The following UBE4A variants were observed in gnomAD, a reference collection of about 807,000 sequenced individuals.
UBE4A encodes the protein ubiquitination factor E4A.
A neutral mutation model predicts 117.9 loss-of-function variants in UBE4A; 48 were observed. The ratio of observed to expected loss-of-function variants is 0.41; its 90% confidence interval spans 0.32 to 0.52. UBE4A has a LOEUF of 0.52. Ranked by LOEUF, UBE4A falls within the 20% of genes least tolerant of loss-of-function variation. The pLI is 0.33. For missense variants in UBE4A, 1,067 were observed against 1,296.3 expected (o/e 0.82, Z 2.72); for synonymous variants, 407 against 450.0 (o/e 0.90, Z 1.21).
chr11:118,390,664 G>A lies in UBE4A; in HGVS notation c.2776G>A (p.Glu926Lys). Residue 926 changes from glutamate to lysine, a missense_variant, in exon 18 of 20, where the codon GAG (glutamate) becomes AAG (lysine). Transcript: ENST00000252108. ...CTGATGCTAATGTTCCAGGGATGAG[G>A]AGAATTTCTGTGCCACTGTGCCCAA... ...CTIYLNLGDE[E>K]NFCATVPKDG... 1 of 1,516,760 alleles carries A rather than the reference G, an allele frequency of 6.6e-7. No individual in the cohort carries two copies. 94.0% of individuals were successfully genotyped at this position (1,516,760 alleles called of 1,614,324 possible).
rs147046456 is a variant in UBE4A at position 118,368,641 on chromosome 11, A to G, written c.132A>G (p.Pro44=). The G allele has an allele frequency of 3.6e-4, 580 of 1,614,164 alleles. No homozygotes were observed. The African/African-American group carries it at 4.1e-3, about 11-fold the overall frequency. ...EQLKQQSDEL[P]ASPDDSDNSV... is the part of the protein sequence containing the mutation. ...TACATTTTCTGGCAGATGAACTCCC[A>G]GCTAGCCCAGATGACTCGGATAATA... is the stretch of plus-strand genomic sequence containing the variant. Residue 44 remains proline, a synonymous_variant, in exon 3 of 20, where the codon CCA becomes CCG. Coordinates refer to ENST00000252108, the MANE Select transcript of UBE4A (RefSeq NM_001204077.2).
chr11:118,381,638 G>T, intron 12 of UBE4A, 115 bp downstream of exon 12: 1 of 1,388,862 alleles, frequency 7.2e-7, no homozygotes, highest in Non-Finnish European at 9.7e-7. Flanking sequence ...AGAAGTTATG[G>T]TAACATTAAG....
intron 10 of UBE4A, among the ~76,000 whole-genome samples, chr11:118,377,868 G>T (rs1948667060): frequency 6.7e-6 from 1 of 150,130 alleles, no homozygotes; most frequent in South Asian, 2.1e-4. Context: ...AGCCGAGATT[G>T]CGCCACTGCA....
chr11:118,382,510 G>T (rs1459719463), intron 12 of UBE4A, 79 bp from the exon 13 acceptor site: 26 of 1,232,828 alleles, frequency 2.1e-5, no homozygotes, highest in Non-Finnish European at 2.6e-5. Flanking sequence ...GGTGGATTTT[G>T]ATTCTTATGT....
chr11:118,386,671 TG>T, intron 16 of UBE4A, 59 bp downstream of exon 16: 1 of 1,466,868 alleles, frequency 6.8e-7, no homozygotes, highest in Admixed American at 2.7e-5. Context: ...CAGCTTCACT[TG>T]GGGGATCAGC....
Position 118,398,780 on chromosome 11 carries a change from T to G in UBE4A, c.*2340T>G, listed in dbSNP as rs538531286. On this transcript the variant is annotated 3_prime_UTR_variant, in exon 20 of 20. Coordinates refer to ENST00000252108, the MANE Select transcript of UBE4A (RefSeq NM_001204077.2). ...TGGAAAATTGTTTAAGTATGTTTTA[T>G]CAAGCAGTCTGGGTTTTGTTTTTTA... 1.7e-5 allele frequency: 3 copies of G among 173,914 alleles called. No individual in the cohort carries two copies. Among genetic ancestry groups the G allele is most frequent in the African/African-American group, 7.1e-5 (3 of 42,010 alleles). The allele number at this position is 173,914 out of a possible 1,614,324, so 10.8% of individuals were successfully genotyped here.
At chr11:118,391,590 A>C (rs59405103) in intron 18 of UBE4A, among the ~76,000 whole-genome samples, 25,878 of 151,598 alleles carry the variant, frequency 0.17, 2,720 homozygotes, top group East Asian at 0.51. Flanking sequence ...GTCAGGAGAT[A>C]GCGACCATCC....
At chr11:118,369,318 T>C in intron 3 of UBE4A, 105 bp from the exon 4 acceptor site, 1 of 746,360 alleles carries the variant, frequency 1.3e-6, no homozygotes, top group Non-Finnish European at 2.3e-6. Context: ...CATTCTGGTA[T>C]TACTTGAGTC....
intron 10 of UBE4A, chr11:118,379,058 T>C (rs1380584638): frequency 4.8e-6 from 1 of 207,600 alleles, no homozygotes; most frequent in Non-Finnish European, 9.9e-6. Flanking sequence ...CATCAAAGTA[T>C]GATCATTGCA....
intron 15 of UBE4A, among the ~76,000 whole-genome samples, chr11:118,385,752 G>A (rs907954434): frequency 4.6e-5 from 7 of 152,234 alleles, no homozygotes; most frequent in Admixed American, 1.3e-4. Context: ...AATCCCCTGA[G>A]TAGCTTGTGT....
Position 118,396,938 on chromosome 11 carries a change from G to T in UBE4A, c.*498G>T, listed in dbSNP as rs1948880009. On this transcript the variant is annotated 3_prime_UTR_variant, in exon 20 of 20. Transcript: ENST00000252108. ...ATGATCTAGACTTAACCCCTTTTCT[G>T]TGTTACAGAGTAACTTCACATAAAA... 1 of 152,544 alleles carries T rather than the reference G, an allele frequency of 6.6e-6. No individual in the cohort carries two copies. Among genetic ancestry groups the T allele is most frequent in the African/African-American group, 2.4e-5 (1 of 41,372 alleles). The allele number at this position is 152,544 out of a possible 1,614,324, so 9.4% of individuals were successfully genotyped here.
intron 13 of UBE4A, among the ~76,000 whole-genome samples, 187 bp from the exon 14 acceptor site, chr11:118,384,448 C>T (rs1396862316): frequency 6.6e-6 from 1 of 152,198 alleles, no homozygotes; most frequent in Non-Finnish European, 1.5e-5. Flanking sequence ...CCCCTTACTT[C>T]ATCAGTAAGG....
chr11:118,385,365 C>T (rs1555127041), intron 15 of UBE4A, among the ~76,000 whole-genome samples: 1 of 152,128 alleles, frequency 6.6e-6, no homozygotes, highest in East Asian at 1.9e-4. Context: ...ACCCACTTTC[C>T]TAAAAGATTC....
chr11:118,391,421 G>A (rs1205437843), intron 18 of UBE4A, among the ~76,000 whole-genome samples: 4 of 149,858 alleles, frequency 2.7e-5, no homozygotes, highest in African/African-American at 4.9e-5. Context: ...CCTGGGAGGC[G>A]GAGGTTGCAG....
Position 118,386,483 on chromosome 11 carries a change from G to A in UBE4A, c.2458G>A (p.Glu820Lys), listed in dbSNP as rs1555127263. ...KIQQIEKDRG[E>K]WDSLTPEARR... ...TCAGCAAATTGAGAAGGATCGAGGT[G>A]AATGGGATAGTCTGACTCCAGAAGC... The change falls in exon 16 of 20, where the codon GAA becomes AAA. Residue 820 changes from glutamate to lysine, a missense_variant. Glu to Lys is a moderately conservative substitution (Grantham distance 56). This residue lies in a region of UBE4A where 1,001 missense variants were observed against 1,184.0 expected (regional missense o/e 0.85). Coordinates refer to ENST00000252108, the MANE Select transcript of UBE4A (RefSeq NM_001204077.2). The A allele has an allele frequency of 1.2e-6, 2 of 1,610,102 alleles. No homozygotes were observed.
At chr11:118,363,352 G>A (rs1343021372) in intron 1 of UBE4A, among the ~76,000 whole-genome samples, 2 of 152,116 alleles carry the variant, frequency 1.3e-5, no homozygotes, top group African/African-American at 4.8e-5. Context: ...GACCAGCCTG[G>A]CCAACATGGT....
intron 11 of UBE4A, among the ~76,000 whole-genome samples, 164 bp downstream of exon 11, chr11:118,379,914 G>C (rs1555126007): frequency 1.3e-5 from 2 of 152,202 alleles, no homozygotes; most frequent in African/African-American, 4.8e-5. Flanking sequence ...AGTATTAGGG[G>C]ACTAACAGTT....
chr11:118,394,545 TG>T (rs1948850586), intron 19 of UBE4A, among the ~76,000 whole-genome samples: 1 of 152,084 alleles, frequency 6.6e-6, no homozygotes, highest in Admixed American at 6.6e-5. Flanking sequence ...CTGAAGCAGG[TG>T]GATCACTTGA....
chr11:118,363,143 C>A, intron 1 of UBE4A, among the ~76,000 whole-genome samples: 1 of 152,096 alleles, frequency 6.6e-6, no homozygotes, highest in Middle Eastern at 3.4e-3. Context: ...TAAACTTGTG[C>A]GGTAATTACA....
Sources: allele counts gnomAD v4.1 joint callset (sites outside exome capture counted in the v4.1 genomes callset), GRCh38; gene constraint gnomAD v4.1.1; regional missense constraint gnomAD v4.1.1; transcripts MANE v1.5; gene names NCBI Gene and HGNC (gene_info 2026-07-23, HGNC 2026-07-21).